The following STX17 variants were observed in gnomAD, a reference collection of about 807,000 sequenced individuals.
STX17 encodes syntaxin-17.
A neutral mutation model predicts 35.9 loss-of-function variants in STX17; 29 were observed. The ratio of observed to expected loss-of-function variants is 0.81; its 90% confidence interval spans 0.60 to 1.10. STX17 has a LOEUF of 1.10. STX17 is among the 50% of genes least tolerant of loss of function. The probability of loss-of-function intolerance (pLI) is 0.00; values close to 1 mark genes in which losing one functional copy is unlikely to be tolerated. For synonymous variants in STX17, 92 were observed against 118.3 expected (o/e 0.78, Z 1.44); for missense variants, 312 against 352.3 (o/e 0.89, Z 0.92).
intron 1 of STX17, among the ~76,000 whole-genome samples, chr9:99,913,625 G>A (rs571511474): frequency 3.1e-4 from 47 of 151,720 alleles, no homozygotes; most frequent in South Asian, 6.2e-4. Flanking sequence ...ATTATCTTTC[G>A]TCCATTAGGT....
chr9:99,940,610 C>G (rs1829335394), intron 3 of STX17, among the ~76,000 whole-genome samples: 1 of 151,624 alleles, frequency 6.6e-6, no homozygotes, highest in Non-Finnish European at 1.5e-5. Context: ...TCCCAAGTAG[C>G]TAGGATTACA....
chr9:99,959,807 T>C, intron 4 of STX17, 110 bp from the exon 5 acceptor site: 1 of 829,498 alleles, frequency 1.2e-6, no homozygotes, highest in South Asian at 1.5e-5. Flanking sequence ...TTAGCCTAAA[T>C]TTAATTAGAC....
intron 3 of STX17, among the ~76,000 whole-genome samples, chr9:99,939,246 G>A (rs2118421920): frequency 6.6e-6 from 1 of 152,292 alleles, no homozygotes; most frequent in Middle Eastern, 3.4e-3. Flanking sequence ...AGCAAAACCA[G>A]ATAGAGAATG....
chr9:99,940,850 G>A (rs1231641228), intron 3 of STX17, among the ~76,000 whole-genome samples: 2 of 152,100 alleles, frequency 1.3e-5, no homozygotes, highest in African/African-American at 4.8e-5. Flanking sequence ...TTCTGCTATG[G>A]CATCATACAG....
At position 99,968,827 on chromosome 9, in the gene STX17, TTGTTTGC is replaced by T. The variant is rs959991194; in HGVS notation, c.*157_*163del. ...AAGTGTGATAAATGGATATATTTTGTTGTTTGCTGGGGTGTTCATGGAGATGTTAAGA... is the reference window on the plus strand; with the variant it reads ...AAGTGTGATAAATGGATATATTTTGTTGGGGTGTTCATGGAGATGTTAAGA... On this transcript the variant is annotated 3_prime_UTR_variant, in exon 8 of 8. Transcript: ENST00000259400. 20 of 1,241,414 alleles carry T rather than the reference TTGTTTGC, an allele frequency of 1.6e-5. No homozygotes were observed. The African/African-American group carries it at 2.5e-4, about 15-fold the overall frequency. The allele number at this position is 1,241,414 out of a possible 1,614,324, so 76.9% of individuals were successfully genotyped here.
At chr9:99,915,714 C>T (rs868157370) in intron 2 of STX17, among the ~76,000 whole-genome samples, 11 of 151,898 alleles carry the variant, frequency 7.2e-5, no homozygotes, top group South Asian at 4.2e-4. Context: ...CACCACTATC[C>T]GTGGCTAACT....
rs1346841374 is a variant in STX17 at position 99,968,824 on chromosome 9, T to C, written c.*151T>C. ...TTGAAGTGTGATAAATGGATATATT[T>C]TGTTGTTTGCTGGGGTGTTCATGGA... On this transcript the variant is annotated 3_prime_UTR_variant, in exon 8 of 8. Coordinates refer to ENST00000259400, the MANE Select transcript of STX17 (RefSeq NM_017919.3). 57 of 1,272,980 alleles carry C rather than the reference T, an allele frequency of 4.5e-5. No individual in the cohort carries two copies. Among genetic ancestry groups the C allele is most frequent in the Non-Finnish European group, 1.1e-5 (10 of 935,554 alleles). The allele number at this position is 1,272,980 out of a possible 1,614,324, so 78.9% of individuals were successfully genotyped here. A position where few individuals can be genotyped will look rare whatever the true frequency, so the allele number is the denominator to read the frequency against.
intron 3 of STX17, among the ~76,000 whole-genome samples, chr9:99,944,313 A>G (rs1244644510): frequency 1.3e-5 from 2 of 151,674 alleles, no homozygotes; most frequent in African/African-American, 2.4e-5. Context: ...TTATTTTTAC[A>G]TTTTTATTAT....
chr9:99,930,981 G>T (rs1305791561), intron 3 of STX17, among the ~76,000 whole-genome samples: 1 of 151,816 alleles, frequency 6.6e-6, no homozygotes, highest in Non-Finnish European at 1.5e-5. Context: ...GTTTTGTTTT[G>T]TTTTTCGTTT....
intron 1 of STX17, among the ~76,000 whole-genome samples, chr9:99,912,604 G>A (rs1214217201): frequency 1.3e-5 from 2 of 152,090 alleles, no homozygotes; most frequent in African/African-American, 4.8e-5. Flanking sequence ...ATAATTATAG[G>A]CAGCAGTATG....
intron 4 of STX17, among the ~76,000 whole-genome samples, chr9:99,954,868 T>A (rs1336107026): frequency 6.6e-6 from 1 of 152,106 alleles, no homozygotes; most frequent in East Asian, 1.9e-4. Context: ...TTATATTCTC[T>A]GGAGAATGAA....
At chr9:99,960,822 A>C (rs549547805) in intron 6 of STX17, among the ~76,000 whole-genome samples, 1 of 152,332 alleles carries the variant, frequency 6.6e-6, no homozygotes, top group East Asian at 1.9e-4. Context: ...TAAATGCAAA[A>C]GCAAGAATGA....
intron 4 of STX17, among the ~76,000 whole-genome samples, chr9:99,957,098 C>T (rs560618624): frequency 2.0e-5 from 3 of 152,168 alleles, no homozygotes; most frequent in Admixed American, 6.6e-5. Context: ...TTGTCTTTTA[C>T]TTCTTGCTTT....
At chr9:99,928,648 C>G (rs957257819) in intron 2 of STX17, 130 bp from the exon 3 acceptor site, 4 of 540,708 alleles carry the variant, frequency 7.4e-6, no homozygotes, top group Non-Finnish European at 9.6e-6. Context: ...AGTTAATTAC[C>G]ACTACTAAAT....
At chr9:99,907,494 C>T (rs971739243) in intron 1 of STX17, 1 of 152,030 alleles carries the variant, frequency 6.6e-6, no homozygotes, top group Non-Finnish European at 1.5e-5. Flanking sequence ...TATTATGGTA[C>T]CCATCTCATA....
chr9:99,963,131 TTA>T (rs1256023078), intron 6 of STX17, among the ~76,000 whole-genome samples: 1 of 152,162 alleles, frequency 6.6e-6, no homozygotes, highest in African/African-American at 2.4e-5. Context: ...AATGGTAAAT[TTA>T]TGTTATATTT....
intron 3 of STX17, 88 bp from the exon 4 acceptor site, chr9:99,950,972 C>A (rs897361650): frequency 1.7e-5 from 19 of 1,149,178 alleles, no homozygotes; most frequent in African/African-American, 6.3e-5. Flanking sequence ...GTTATAATTT[C>A]CATCCACAAC....
chr9:99,952,727 G>T (rs1344965865), intron 4 of STX17, among the ~76,000 whole-genome samples: 1 of 152,074 alleles, frequency 6.6e-6, no homozygotes, highest in Non-Finnish European at 1.5e-5. Context: ...CATGTCCTTT[G>T]TAGGGACATG....
At chr9:99,944,764 C>T (rs138068413) in intron 3 of STX17, among the ~76,000 whole-genome samples, 61 of 152,280 alleles carry the variant, frequency 4.0e-4, no homozygotes, top group African/African-American at 1.4e-3. Context: ...GATCCACCCT[C>T]CTCAGCCTCC....
Sources: gnomAD v4.1 joint callset for allele counts (sites outside exome capture counted in the v4.1 genomes callset) on GRCh38, gnomAD v4.1.1 for gene constraint, MANE v1.5 for transcripts, NCBI Gene and HGNC (gene_info 2026-07-23, HGNC 2026-07-21) for gene names.